Variants in RFC1 observed in about 807,000 individuals in gnomAD.
RFC1 encodes the protein replication factor C subunit 1.
RFC1 carries 37 observed loss-of-function variants against 137.4 expected under a neutral mutation model. The observed-to-expected ratio is 0.27, with a 90% CI of 0.21 to 0.35. The LOEUF is 0.35. RFC1 is among the 10% of genes least tolerant of loss of function. The probability of loss-of-function intolerance (pLI) is 1.00; values close to 1 mark genes in which losing one functional copy is unlikely to be tolerated. For missense variants in RFC1, 1,205 were observed against 1,358.5 expected (o/e 0.89, Z 1.78); for synonymous variants, 429 against 455.7 (o/e 0.94, Z 0.75).
chr4:39,292,413 G>A (rs1290090926), intron 22 of RFC1, among the ~76,000 whole-genome samples: 3 of 152,110 alleles, frequency 2.0e-5, no homozygotes, highest in Non-Finnish European at 4.4e-5. Flanking sequence ...ATCCACAGTG[G>A]CCAGAGGAAG....
chr4:39,317,036 G>C lies in RFC1; in HGVS notation c.1096-14C>G. The stretch of plus-strand genomic sequence containing the variant: ...AGGACTTACAGACTTTGGGAACAGG[G>C]AAAGGAAAATGAACAAAGTCATACA... On this transcript the variant is annotated splice_polypyrimidine_tract_variant and intron_variant, in intron 9 of 24. Transcript: ENST00000349703. 6.4e-7 allele frequency: 1 copy of C among 1,550,540 alleles called. No individual in the cohort carries two copies. The highest frequency in any genetic ancestry group is 8.9e-7 in the Non-Finnish European group (1 of 1,123,624).
At chr4:39,313,013 T>C (rs547643770) in intron 10 of RFC1, 82 bp from the exon 11 acceptor site, 22 of 1,160,480 alleles carry the variant, frequency 1.9e-5, no homozygotes, top group Non-Finnish European at 2.3e-5. Flanking sequence ...CTGCAGGAAG[T>C]TGATTTTTCT....
intron 7 of RFC1, 90 bp from the exon 8 acceptor site, chr4:39,321,464 G>T: frequency 8.2e-7 from 1 of 1,219,412 alleles, no homozygotes. Flanking sequence ...AAATTTTAAG[G>T]GTCACCTTTC....
At chr4:39,315,311 T>C (rs1739185374) in intron 10 of RFC1, among the ~76,000 whole-genome samples, 2 of 152,264 alleles carry the variant, frequency 1.3e-5, no homozygotes, top group African/African-American at 4.8e-5. Context: ...TTCCCTTTGC[T>C]TCTGTGATCC....
At chr4:39,296,211 G>A (rs1214082911) in intron 21 of RFC1, among the ~76,000 whole-genome samples, 2 of 146,636 alleles carry the variant, frequency 1.4e-5, no homozygotes, top group South Asian at 2.2e-4. Context: ...AACCTTAGAT[G>A]TCTTCTATGT....
rs547482186 is a variant in RFC1 at position 39,362,127 on chromosome 4, CTG to C, written c.3+4110_3+4111del. On this transcript the variant is annotated intron_variant, in intron 1 of 24. Coordinates refer to ENST00000349703, the MANE Select transcript of RFC1 (RefSeq NM_002913.5). ...TAACAAATGAAGTGTAAAACTCACA[CTG>C]TGAAAAACTACAAAATACTATTTAA... Among the ~76,000 whole-genome samples the C allele has an allele frequency of 2.5e-3, 376 of 152,214 alleles. 3 individuals carry two copies. The highest frequency in any genetic ancestry group is 8.8e-3 in the African/African-American group (365 of 41,532).
chr4:39,348,455 A>AAAAGAAAAGAAAAGAAAAGAAAAGT (rs1741006963), intron 2 of RFC1, among the ~76,000 whole-genome samples: 1 of 127,396 alleles, frequency 7.8e-6, no homozygotes, highest in Admixed American at 7.8e-5. Context: ...AAAAGAAAAG[A>AAAAGAAAAGAAAAGAAAAGAAAAGT]AAAGAAAAGA....
chr4:39,318,236 G>A (rs1262539187), intron 9 of RFC1, among the ~76,000 whole-genome samples: 1 of 152,094 alleles, frequency 6.6e-6, no homozygotes, highest in Non-Finnish European at 1.5e-5. Flanking sequence ...TTAACAGGCT[G>A]GTCCTAGAAT....
In RFC1 at chr4:39,366,355, G is replaced by T; in HGVS notation, c.-114C>A. The T allele has an allele frequency of 7.8e-7, 1 of 1,278,422 alleles. No individual in the cohort carries two copies. The highest frequency in any genetic ancestry group is 1.0e-6 in the Non-Finnish European group (1 of 970,200). 79.2% of individuals were successfully genotyped at this position (1,278,422 alleles called of 1,614,324 possible). A position where few individuals can be genotyped will look rare whatever the true frequency, so the allele number is the denominator to read the frequency against. ...AACTTCTCCCGCGAAGTGCAAGAAG[G>T]CGAAGACAGTGGCGCGCGGTGATGA... On this transcript the variant is annotated 5_prime_UTR_variant, in exon 1 of 25. Coordinates refer to ENST00000349703, the MANE Select transcript of RFC1 (RefSeq NM_002913.5).
Position 39,300,313 on chromosome 4 carries a change from T to C in RFC1, c.2637A>G (p.Ile879Met). 1.2e-6 allele frequency: 2 copies of C among 1,614,112 alleles called. No homozygotes were observed. The highest frequency in any genetic ancestry group is 1.7e-6 in the Non-Finnish European group (2 of 1,179,946). ...KSDLFFHDYS[I>M]APLFVQENYI... ...AATTTTCCTGGACGAAGAGGGGTGC[T>C]ATTGAATAATCATGAAAAAAGAGAT... Residue 879 changes from isoleucine (I) to methionine (M), a missense_variant, in exon 20 of 25, where the codon ATA becomes ATG. Around this residue, in one of 3 missense-constraint regions of RFC1, gnomAD observed 962 missense variants for 1,035.3 expected, o/e 0.93. Transcript: ENST00000349703.
rs1410265296 is a variant in RFC1 at position 39,308,639 on chromosome 4, G to GT, written c.1881dup (p.His628ThrfsTer6). On this transcript the variant is annotated frameshift_variant, in exon 13 of 25. Coordinates refer to ENST00000349703, the MANE Select transcript of RFC1 (RefSeq NM_002913.5). LOFTEE classifies it high-confidence loss of function. ...ATGAGTGAGGTTGTAAAATCACCGT[G>GT]TTTTTTATCTTCGGAAGAACTCTTT... is the stretch of plus-strand genomic sequence containing the variant. The GT allele has an allele frequency of 6.2e-7, 1 of 1,608,018 alleles. No homozygotes were observed.
chr4:39,339,046 C>T (rs1740489912), intron 4 of RFC1, among the ~76,000 whole-genome samples: 1 of 151,954 alleles, frequency 6.6e-6, no homozygotes, highest in South Asian at 2.1e-4. Flanking sequence ...TAATGTCCGC[C>T]GGGTTCACAC....
chr4:39,326,479 A>G, intron 6 of RFC1, 84 bp downstream of exon 6: 1 of 999,556 alleles, frequency 1.0e-6, no homozygotes, highest in Non-Finnish European at 1.5e-6. Flanking sequence ...GTAACTTCCA[A>G]TGAGGTTCAA....
At chr4:39,344,855 A>G (rs902773292) in intron 3 of RFC1, among the ~76,000 whole-genome samples, 3 of 152,194 alleles carry the variant, frequency 2.0e-5, no homozygotes, top group Admixed American at 6.5e-5. Flanking sequence ...GCTGCATACT[A>G]TATCACTTTC....
chr4:39,332,454 A>C (rs1003971251), intron 4 of RFC1, among the ~76,000 whole-genome samples: 1 of 152,200 alleles, frequency 6.6e-6, no homozygotes, highest in Admixed American at 6.5e-5. Context: ...CTTTATAATA[A>C]ATTATCTTTA....
chr4:39,311,912 CA>C (rs1006447787), intron 11 of RFC1, among the ~76,000 whole-genome samples: 1 of 152,182 alleles, frequency 6.6e-6, no homozygotes, highest in African/African-American at 2.4e-5. Context: ...ACATTTCCCC[CA>C]CCTTCTTCCC....
intron 11 of RFC1, among the ~76,000 whole-genome samples, 181 bp from the exon 12 acceptor site, chr4:39,311,730 AAAAG>A (rs1300869457): frequency 2.0e-5 from 3 of 152,248 alleles, no homozygotes; most frequent in Non-Finnish European, 2.9e-5. Flanking sequence ...AGTAACATTG[AAAAG>A]AAAGAAAATA....
chr4:39,309,083 A>T, intron 12 of RFC1, 51 bp from the exon 13 acceptor site: 1 of 1,531,556 alleles, frequency 6.5e-7, no homozygotes, highest in Non-Finnish European at 8.7e-7. Context: ...AACATACAGA[A>T]TTTCTATCCT....
intron 2 of RFC1, among the ~76,000 whole-genome samples, chr4:39,347,489 T>C (rs1260085642): frequency 6.6e-6 from 1 of 152,218 alleles, no homozygotes; most frequent in South Asian, 2.1e-4. Context: ...TCTGTTTCTC[T>C]ACAGAACTCT....
Sources: gnomAD v4.1 joint callset for allele counts (sites outside exome capture counted in the v4.1 genomes callset) on GRCh38, gnomAD v4.1.1 for gene constraint, gnomAD v4.1.1 regional missense constraint, MANE v1.5 for transcripts, NCBI Gene and HGNC (gene_info 2026-07-23, HGNC 2026-07-21) for gene names.